Variants in ASPM observed in about 807,000 individuals in gnomAD.
ASPM encodes the protein assembly factor for spindle microtubules.
In ASPM, 256 loss-of-function variants were observed where a neutral mutation model predicts 366.4. The ratio of observed to expected loss-of-function variants is 0.70; its 90% CI spans 0.63 to 0.77. The LOEUF is 0.77. Among genes scored for constraint, ASPM ranks in the 30% least tolerant of loss-of-function variants. The pLI, the probability that ASPM is intolerant of heterozygous loss-of-function variation, is 0.00. For synonymous variants in ASPM, 1,414 were observed against 1,342.9 expected (o/e 1.05, Z -1.16); for missense variants, 4,146 against 4,090.4 (o/e 1.01, Z -0.37).
At chr1:197,119,207 C>A (rs1307321124) in intron 16 of ASPM, among the ~76,000 whole-genome samples, 2 of 152,016 alleles carry the variant, frequency 1.3e-5, no homozygotes, top group East Asian at 3.9e-4. Context: ...TAGACAATTC[C>A]AAAATCGGGC....
chr1:197,124,977 A>G, intron 11 of ASPM, 22 bp from the exon 12 acceptor site: 1 of 1,608,030 alleles, frequency 6.2e-7, no homozygotes, highest in Non-Finnish European at 8.5e-7. Context: ...AAGGTTGTCC[A>G]TTAGCATAAT....
At chr1:197,092,427 A>G (rs6428387) in intron 21 of ASPM, among the ~76,000 whole-genome samples, 119,135 of 151,776 alleles carry the variant, frequency 0.78, 49,959 homozygotes, top group East Asian at 1. Flanking sequence ...GAAAAAGTAT[A>G]TGAATTAACT....
At chr1:197,117,415 T>C (rs1469037060) in intron 17 of ASPM, among the ~76,000 whole-genome samples, 2 of 152,074 alleles carry the variant, frequency 1.3e-5, no homozygotes, top group African/African-American at 2.4e-5. Context: ...GAGAAAAATG[T>C]GTACAGTTGT....
intron 7 of ASPM, among the ~76,000 whole-genome samples, chr1:197,131,973 G>A (rs1390938942): frequency 6.6e-6 from 1 of 152,102 alleles, no homozygotes; most frequent in African/African-American, 2.4e-5. Flanking sequence ...CAGCAGCCTC[G>A]TTTTGGCATT....
At chr1:197,138,425 G>A (rs2125111725) in intron 4 of ASPM, among the ~76,000 whole-genome samples, 1 of 152,122 alleles carries the variant, frequency 6.6e-6, no homozygotes. Context: ...AGCCTCCCAA[G>A]CAGCTGGGAC....
intron 5 of ASPM, among the ~76,000 whole-genome samples, chr1:197,134,808 C>T (rs1464004038): frequency 6.6e-6 from 1 of 152,180 alleles, no homozygotes; most frequent in Non-Finnish European, 1.5e-5. Context: ...AGGTATTGAA[C>T]AGTGGGGACA....
rs1558319797 is a variant in ASPM at position 197,084,439 on chromosome 1, A to AG, written c.10332-14_10332-13insC. 2.5e-6 allele frequency: 4 copies of AG among 1,586,824 alleles called. No individual in the cohort carries two copies. Among genetic ancestry groups the AG allele is most frequent in the African/African-American group, 1.3e-5 (1 of 74,226 alleles). Reference sequence around the variant, plus strand: ...ATCTGGCTTAAGTCTGTTAAAAAAAAAAAAAAAGTCTGGCATTAATAAAGT... The same window carrying AG: ...ATCTGGCTTAAGTCTGTTAAAAAAAAGAAAAAAAGTCTGGCATTAATAAAGT... On this transcript the variant is annotated splice_polypyrimidine_tract_variant and intron_variant, in intron 27 of 27. Coordinates refer to ENST00000367409, the MANE Select transcript of ASPM (RefSeq NM_018136.5).
chr1:197,094,926 A>T (rs1208735849), intron 19 of ASPM, among the ~76,000 whole-genome samples: 2 of 151,732 alleles, frequency 1.3e-5, no homozygotes, highest in Non-Finnish European at 3.0e-5. Flanking sequence ...TGATAGTAGC[A>T]ACTGTATCTT....
intron 17 of ASPM, among the ~76,000 whole-genome samples, chr1:197,114,633 G>C (rs535545206): frequency 6.6e-6 from 1 of 152,208 alleles, no homozygotes; most frequent in Admixed American, 6.5e-5. Flanking sequence ...GAGTGCAGTG[G>C]TGCAATAATG....
chr1:197,143,057 C>G lies in ASPM; in HGVS notation c.1195G>C (p.Asp399His), dbSNP rs1379765257. 1 of 1,612,970 alleles carries G rather than the reference C, an allele frequency of 6.2e-7. No individual in the cohort carries two copies. Among genetic ancestry groups the G allele is most frequent in the African/African-American group, 1.3e-5 (1 of 74,860 alleles). ...GATGTACACATATATGCCATGTTATCTTTTAAAAATTGATTAGGGGATAAA... is the reference window on the plus strand; with the variant it reads ...GATGTACACATATATGCCATGTTATGTTTTAAAAATTGATTAGGGGATAAA... ...PILSPNQFLK[D>H]NMAYMCTSQQ... is the part of the protein sequence containing the mutation. Residue 399 changes from aspartate to histidine, a missense_variant, in exon 3 of 28, where the codon GAT becomes CAT. By Grantham distance (81) the Asp-to-His change is moderately conservative. This residue lies in a region of ASPM where 10 missense variants were observed against 27.0 expected (regional missense o/e 0.37). Coordinates refer to ENST00000367409, the MANE Select transcript of ASPM (RefSeq NM_018136.5).
In ASPM at chr1:197,124,908, T is replaced by G. The variant is rs758225152; in HGVS notation, c.3130A>C (p.Thr1044Pro). 1.2e-6 allele frequency: 2 copies of G among 1,611,494 alleles called. No individual in the cohort carries two copies. The highest frequency in any genetic ancestry group is 2.2e-5 in the South Asian group (2 of 91,008). Residue 1044 changes from threonine to proline, a missense_variant, in exon 12 of 28, where the codon ACT becomes CCT. Physicochemically the swap from Thr to Pro is conservative, Grantham distance 38. Transcript: ENST00000367409. ...GCTATTTTCCAAAGCAACCTGAGAGTTTTTTCTCTGTGCCTATCCACAATA... is the reference window on the plus strand; with the variant it reads ...GCTATTTTCCAAAGCAACCTGAGAGGTTTTTCTCTGTGCCTATCCACAATA... Reference protein sequence around the residue: ...KDIVDRHREKTLRLLWKIAFA... With the variant: ...KDIVDRHREKPLRLLWKIAFA...
chr1:197,089,841 T>G, intron 25 of ASPM, 89 bp downstream of exon 25: 1 of 1,238,742 alleles, frequency 8.1e-7, no homozygotes, highest in Non-Finnish European at 1.2e-6. Flanking sequence ...CTTAGAGATT[T>G]AAGCCCTAGT....
At position 197,143,291 on chromosome 1, in the gene ASPM, A is replaced by G; in HGVS notation, c.961T>C (p.Phe321Leu). The change falls in exon 3 of 28, where the codon TTT becomes CTT. Residue 321 changes from phenylalanine to leucine, a missense_variant. Transcript: ENST00000367409. ...TTAGCTCCATGACTATTATTTACAAAAGAATCTGGACTTAGAAAATGTATT... is the reference window on the plus strand; with the variant it reads ...TTAGCTCCATGACTATTATTTACAAGAGAATCTGGACTTAGAAAATGTATT... ...SQIHFLSPDS[F>L]VNNSHGANNE... 1 of 1,613,724 alleles carries G rather than the reference A, an allele frequency of 6.2e-7. No individual in the cohort carries two copies. Among genetic ancestry groups the G allele is most frequent in the Non-Finnish European group, 8.5e-7 (1 of 1,179,706 alleles).
intron 27 of ASPM, 28 bp from the exon 28 acceptor site, chr1:197,084,454 ATT>A: frequency 2.5e-5 from 37 of 1,457,632 alleles, no homozygotes; most frequent in Non-Finnish European, 3.3e-5. Flanking sequence ...AAAGTCTGGC[ATT>A]AATAAAGTTC....
intron 16 of ASPM, among the ~76,000 whole-genome samples, chr1:197,121,679 C>T (rs1033513429): frequency 1.3e-5 from 2 of 152,046 alleles, no homozygotes; most frequent in Non-Finnish European, 2.9e-5. Flanking sequence ...TTCCTCTTCC[C>T]CTGGAACAGA....
At chr1:197,096,251 A>C (rs1656972623) in intron 18 of ASPM, 87 bp from the exon 19 acceptor site, 9 of 1,220,898 alleles carry the variant, frequency 7.4e-6, no homozygotes, top group Non-Finnish European at 1.1e-5. Flanking sequence ...GACAGTTAAA[A>C]TAAGGTTAGT....
chr1:197,137,047 A>C (rs1658440839), intron 4 of ASPM, among the ~76,000 whole-genome samples: 1 of 152,036 alleles, frequency 6.6e-6, no homozygotes, highest in South Asian at 2.1e-4. Context: ...CAAATGCAGC[A>C]GAGTGATAAT....
At chr1:197,123,124 C>T (rs1053988107) in intron 13 of ASPM, among the ~76,000 whole-genome samples, 2 of 152,100 alleles carry the variant, frequency 1.3e-5, no homozygotes, top group Non-Finnish European at 2.9e-5. Flanking sequence ...AATTAGTTAA[C>T]GCATATATTT....
rs141338163 is a variant in ASPM at position 197,104,445 on chromosome 1, A to G, written c.4806T>C (p.Tyr1602=). ...HVRKHQQRQK[Y]KKMKKAAVII... Reference sequence around the variant, plus strand: ...TAACAGCTGCTTTCTTCATCTTCTTATATTTCTGTCGTTGTTGATGTTTTC... The same window carrying G: ...TAACAGCTGCTTTCTTCATCTTCTTGTATTTCTGTCGTTGTTGATGTTTTC... Residue 1602 remains tyrosine, a synonymous_variant, in exon 18 of 28, where the codon TAT becomes TAC. Coordinates refer to ENST00000367409, the MANE Select transcript of ASPM (RefSeq NM_018136.5). 3.0e-5 allele frequency: 49 copies of G among 1,612,786 alleles called. No individual in the cohort carries two copies. The highest frequency in any genetic ancestry group is 3.4e-6 in the Non-Finnish European group (4 of 1,179,388).
Sources: allele counts gnomAD v4.1 joint callset (sites outside exome capture counted in the v4.1 genomes callset), GRCh38; gene constraint gnomAD v4.1.1; regional missense constraint gnomAD v4.1.1; transcripts MANE v1.5; gene names NCBI Gene and HGNC (gene_info 2026-07-23, HGNC 2026-07-21).